Variants in ADAMTS17 observed in about 807,000 individuals in gnomAD.
ADAMTS17 encodes the protein ADAM metallopeptidase with thrombospondin type 1 motif 17.
In ADAMTS17, 113 loss-of-function variants were observed where a neutral mutation model predicts 141.5. That is an observed-to-expected ratio of 0.80 (90% CI 0.69 to 0.93). The LOEUF is 0.93. Ranked by LOEUF, ADAMTS17 falls within the 40% of genes least tolerant of loss-of-function variation. The pLI is 0.00. For synonymous variants in ADAMTS17, 768 were observed against 630.6 expected (o/e 1.22, Z -3.27); for missense variants, 1,659 against 1,517.9 (o/e 1.09, Z -1.54).
chr15:100,161,199 C>T (rs1184306742), intron 8 of ADAMTS17, among the ~76,000 whole-genome samples: 1 of 152,150 alleles, frequency 6.6e-6, no homozygotes, highest in Non-Finnish European at 1.5e-5. Context: ...CACCGTGCGG[C>T]GAGTTCTGAG....
intron 3 of ADAMTS17, among the ~76,000 whole-genome samples, chr15:100,320,840 G>A (rs74597821): frequency 0.089 from 13,228 of 149,456 alleles, 1,016 homozygotes; most frequent in Admixed American, 0.25. Flanking sequence ...CTCAAAAGAA[G>A]AAAAAAAGAG....
rs1281981826 is a variant in ADAMTS17, at chr15:100,340,950, G to A, written c.450+89C>T. On this transcript the variant is annotated intron_variant, in intron 2 of 21. Transcript: ENST00000268070. The stretch of plus-strand genomic sequence containing the variant: ...GGTTCCCCTGGAGGCTGGACTTCCA[G>A]CAGAGGCGCCCCACCCCCACCCTCC... 6 of 1,499,970 alleles carry A rather than the reference G, an allele frequency of 4.0e-6. No individual in the cohort carries two copies. In the African/African-American group the frequency reaches 7.0e-5, roughly 17 times the overall value. The allele number at this position is 1,499,970 out of a possible 1,614,324, so 92.9% of individuals were successfully genotyped here.
intron 7 of ADAMTS17, among the ~76,000 whole-genome samples, chr15:100,205,711 G>A (rs1485289095): frequency 1.3e-5 from 2 of 152,212 alleles, no homozygotes; most frequent in Non-Finnish European, 1.5e-5. Flanking sequence ...AGTGTTTCCT[G>A]ACTGCCTGTA....
intron 15 of ADAMTS17, among the ~76,000 whole-genome samples, chr15:100,090,674 C>CTCTG (rs1418179728): frequency 1.3e-5 from 2 of 152,204 alleles, no homozygotes; most frequent in Non-Finnish European, 2.9e-5. Context: ...TATGCATGCG[C>CTCTG]TCTGCTAACC....
At chr15:100,188,915 GAA>G (rs947298712) in intron 8 of ADAMTS17, among the ~76,000 whole-genome samples, 3 of 151,842 alleles carry the variant, frequency 2.0e-5, no homozygotes, top group African/African-American at 7.3e-5. Flanking sequence ...AAACAAGATG[GAA>G]AAAAAAGTCT....
At chr15:100,205,733 C>T (rs1567350174) in intron 7 of ADAMTS17, among the ~76,000 whole-genome samples, 1 of 152,198 alleles carries the variant, frequency 6.6e-6, no homozygotes, top group Non-Finnish European at 1.5e-5. Context: ...GTGACACAGG[C>T]CTTGCGCCGG....
intron 8 of ADAMTS17, among the ~76,000 whole-genome samples, chr15:100,182,030 C>T (rs1057326025): frequency 6.6e-6 from 1 of 152,258 alleles, no homozygotes; most frequent in Non-Finnish European, 1.5e-5. Context: ...CTAGCTAGGA[C>T]ATCCATGGGT....
intron 8 of ADAMTS17, among the ~76,000 whole-genome samples, chr15:100,166,558 C>G (rs2039960368): frequency 6.6e-6 from 1 of 152,136 alleles, no homozygotes; most frequent in Non-Finnish European, 1.5e-5. Context: ...AGGAAGGTTT[C>G]TTGTAAATAA....
At chr15:100,152,897 G>A (rs1017257118) in intron 9 of ADAMTS17, 135 bp from the exon 10 acceptor site, 2 of 776,980 alleles carry the variant, frequency 2.6e-6, no homozygotes, top group Non-Finnish European at 1.7e-6. Context: ...AAGGACGCAG[G>A]CACTGGACAC....
At chr15:100,020,249 G>C (rs1437386765) in intron 18 of ADAMTS17, among the ~76,000 whole-genome samples, 1 of 152,192 alleles carries the variant, frequency 6.6e-6, no homozygotes, top group Non-Finnish European at 1.5e-5. Context: ...CTCCACTTTG[G>C]ACATGAAAAT....
At chr15:100,190,533 C>T (rs1013219444) in intron 8 of ADAMTS17, among the ~76,000 whole-genome samples, 1 of 152,170 alleles carries the variant, frequency 6.6e-6, no homozygotes, top group Non-Finnish European at 1.5e-5. Flanking sequence ...CTGTCCACTA[C>T]AGGAGAGGTC....
intron 7 of ADAMTS17, among the ~76,000 whole-genome samples, chr15:100,199,767 T>C (rs2041252585): frequency 6.6e-6 from 1 of 152,176 alleles, no homozygotes; most frequent in Non-Finnish European, 1.5e-5. Context: ...GGGCACTCCA[T>C]GCTGCGATCC....
chr15:100,105,720 C>T (rs748774626), intron 14 of ADAMTS17, among the ~76,000 whole-genome samples: 5 of 152,124 alleles, frequency 3.3e-5, no homozygotes, highest in Non-Finnish European at 5.9e-5. Context: ...TGGAGTCTTA[C>T]TCTGTCGCCC....
intron 20 of ADAMTS17, among the ~76,000 whole-genome samples, chr15:99,991,083 G>A (rs201083766): frequency 1.3e-5 from 2 of 152,102 alleles, no homozygotes; most frequent in East Asian, 3.8e-4. Flanking sequence ...AGAAAACCTA[G>A]GCAATACCAC....
At chr15:100,167,973 A>T (rs2040014428) in intron 8 of ADAMTS17, among the ~76,000 whole-genome samples, 1 of 152,166 alleles carries the variant, frequency 6.6e-6, no homozygotes. Context: ...CTCCTGGCAA[A>T]AAAACCCAGA....
chr15:100,324,488 C>G (rs75119205), intron 3 of ADAMTS17, among the ~76,000 whole-genome samples: 2 of 152,148 alleles, frequency 1.3e-5, no homozygotes, highest in African/African-American at 4.8e-5. Flanking sequence ...CTATCTCCCC[C>G]ACCAAACCCT....
intron 3 of ADAMTS17, among the ~76,000 whole-genome samples, chr15:100,317,871 A>G (rs1406813753): frequency 6.6e-6 from 1 of 152,170 alleles, no homozygotes; most frequent in Non-Finnish European, 1.5e-5. Flanking sequence ...GAGCTCCCAA[A>G]AGAGTAACAC....
rs556730989 is a variant in ADAMTS17 at position 100,330,362 on chromosome 15, C to T, written c.616+527G>A. On this transcript the variant is annotated intron_variant, in intron 3 of 21. Coordinates refer to ENST00000268070, the MANE Select transcript of ADAMTS17 (RefSeq NM_139057.4). ...ACCCGTGAAACTACAGATGACTGGA[C>T]CCTCCCCCAGGGTTTCTGATTCACA... is the stretch of plus-strand genomic sequence containing the variant. 7.9e-5 allele frequency among the ~76,000 whole-genome samples: 12 copies of T among 152,292 alleles called. No individual in the cohort carries two copies. The East Asian group carries it at 2.3e-3, about 29-fold the overall frequency.
chr15:100,334,248 T>C (rs1427028035), intron 2 of ADAMTS17, among the ~76,000 whole-genome samples: 1 of 152,222 alleles, frequency 6.6e-6, no homozygotes, highest in East Asian at 1.9e-4. Context: ...GTTCTCGGCA[T>C]AGCTTAGAAA....
Sources: allele counts gnomAD v4.1 joint callset (sites outside exome capture counted in the v4.1 genomes callset), GRCh38; gene constraint gnomAD v4.1.1; transcripts MANE v1.5; gene names NCBI Gene and HGNC (gene_info 2026-07-23, HGNC 2026-07-21).